NEGR1: variants seen among roughly 807,000 people sequenced by gnomAD.
NEGR1 encodes neuronal growth regulator 1, also known as IgLON family member 4.
NEGR1 carries 10 observed loss-of-function variants against 40.9 expected under a neutral mutation model. That is an observed-to-expected ratio of 0.24 (90% CI 0.15 to 0.42). The LOEUF (loss-of-function observed/expected upper bound fraction) is 0.42, where lower values mean the gene tolerates loss of function less well. Among genes scored for constraint, NEGR1 ranks in the 10% least tolerant of loss-of-function variants. The pLI is 1.00. For missense variants in NEGR1, 352 were observed against 438.9 expected, an observed-to-expected ratio of 0.80 and a Z score of 1.77; for synonymous variants, 185 against 166.8, an observed-to-expected ratio of 1.11 and a Z score of -0.84.
intron 1 of NEGR1, among the ~76,000 whole-genome samples, chr1:71,989,751 A>C (rs557462777): frequency 6.6e-6 from 1 of 152,334 alleles, no homozygotes; most frequent in African/African-American, 2.4e-5. Context: ...CTTCTTTTTT[A>C]AATAAAATAT....
At chr1:72,220,048 C>G (rs571591031) in intron 1 of NEGR1, among the ~76,000 whole-genome samples, 1 of 152,104 alleles carries the variant, frequency 6.6e-6, no homozygotes, top group South Asian at 2.1e-4. Flanking sequence ...ATCTTGGAAA[C>G]TATTTCCCAT....
At chr1:72,093,710 T>C (rs1648587044) in intron 1 of NEGR1, among the ~76,000 whole-genome samples, 1 of 152,216 alleles carries the variant, frequency 6.6e-6, no homozygotes, top group Non-Finnish European at 1.5e-5. Flanking sequence ...GCCTTACTTA[T>C]AAGCCAGCAT....
At chr1:71,816,843 T>A (rs1024087701) in intron 2 of NEGR1, among the ~76,000 whole-genome samples, 2 of 152,012 alleles carry the variant, frequency 1.3e-5, no homozygotes, top group African/African-American at 4.8e-5. Context: ...CCCTTCAAAC[T>A]GTGCTTGTAT....
At chr1:71,826,350 CA>C (rs1658624221) in intron 2 of NEGR1, among the ~76,000 whole-genome samples, 1 of 151,914 alleles carries the variant, frequency 6.6e-6, no homozygotes, top group Non-Finnish European at 1.5e-5. Flanking sequence ...TTTCTTACCA[CA>C]ATAACCATGA....
At chr1:72,048,502 T>C (rs1647023896) in intron 1 of NEGR1, among the ~76,000 whole-genome samples, 1 of 151,222 alleles carries the variant, frequency 6.6e-6, no homozygotes, top group Non-Finnish European at 1.5e-5. Context: ...TTTCATAAAT[T>C]CTTAATACAT....
chr1:71,554,328 T>A (rs1648181994), intron 6 of NEGR1, among the ~76,000 whole-genome samples: 1 of 151,582 alleles, frequency 6.6e-6, no homozygotes, highest in African/African-American at 2.4e-5. Context: ...TATTGCACAT[T>A]GGAGACATCT....
intron 1 of NEGR1, among the ~76,000 whole-genome samples, chr1:71,978,475 T>C (rs1373154629): frequency 6.6e-6 from 1 of 152,128 alleles, no homozygotes; most frequent in Non-Finnish European, 1.5e-5. Context: ...ATACAAATTA[T>C]GGCCCTGAAA....
intron 2 of NEGR1, among the ~76,000 whole-genome samples, chr1:71,915,113 GT>G (rs1332033647): frequency 6.6e-6 from 1 of 151,378 alleles, no homozygotes; most frequent in Non-Finnish European, 1.5e-5. Context: ...TTTTTTTAAT[GT>G]TTTGTCAGGC....
At chr1:72,232,040 G>T (rs1025224743) in intron 1 of NEGR1, among the ~76,000 whole-genome samples, 1 of 152,014 alleles carries the variant, frequency 6.6e-6, no homozygotes, top group Non-Finnish European at 1.5e-5. Context: ...ATTTCTTAGA[G>T]TAGCCTTGGA....
At chr1:72,158,777 T>C (rs376264593) in intron 1 of NEGR1, among the ~76,000 whole-genome samples, 2 of 152,312 alleles carry the variant, frequency 1.3e-5, no homozygotes, top group South Asian at 4.1e-4. Flanking sequence ...ATAAAACTTA[T>C]GATCTAAAGC....
intron 4 of NEGR1, among the ~76,000 whole-genome samples, chr1:71,688,891 G>A (rs564751833): frequency 6.6e-6 from 1 of 152,148 alleles, no homozygotes; most frequent in East Asian, 1.9e-4. Context: ...GTTTATAATT[G>A]TCTCCAGTTT....
At position 71,942,452 on chromosome 1, in the gene NEGR1, AATCTATAT is replaced by A. The variant is rs1269217459; in HGVS notation, c.177-7149_177-7142del. Among the ~76,000 whole-genome samples the A allele has an allele frequency of 4.0e-3, 137 of 34,250 alleles. 3 individuals are homozygous for A. The highest frequency in any genetic ancestry group is 0.013 in the African/African-American group (132 of 10,506). 22.5% of individuals were successfully genotyped at this position (34,250 alleles called of 152,430 possible). ...TTAATGCACAACTTAAAATTCTTTA[AATCTATAT>A]ATATATATATATATATATATATATT... On this transcript the variant is annotated intron_variant, in intron 1 of 6. Coordinates refer to ENST00000357731, the MANE Select transcript of NEGR1 (RefSeq NM_173808.3).
chr1:72,067,482 C>T (rs899302503), intron 1 of NEGR1, among the ~76,000 whole-genome samples: 2 of 152,068 alleles, frequency 1.3e-5, no homozygotes, highest in African/African-American at 4.8e-5. Context: ...TAGATATCTA[C>T]TCCAGTTTTA....
chr1:71,796,217 C>T (rs1657319119), intron 2 of NEGR1, among the ~76,000 whole-genome samples: 1 of 152,108 alleles, frequency 6.6e-6, no homozygotes, highest in African/African-American at 2.4e-5. Flanking sequence ...TGTGTACTTT[C>T]CACTCCCATC....
intron 1 of NEGR1, among the ~76,000 whole-genome samples, chr1:71,938,812 G>T (rs918719333): frequency 3.9e-5 from 6 of 152,108 alleles, no homozygotes; most frequent in African/African-American, 1.4e-4. Flanking sequence ...AGTGAAAAAT[G>T]TAGTAATTAA....
At chr1:71,917,779 T>TAAA (rs79120253) in intron 2 of NEGR1, among the ~76,000 whole-genome samples, 2 of 120,448 alleles carry the variant, frequency 1.7e-5, no homozygotes, top group Admixed American at 8.5e-5. Context: ...GACTCCGTCT[T>TAAA]AAAAAAAAAA....
At chr1:71,742,758 A>T (rs1235051389) in intron 3 of NEGR1, among the ~76,000 whole-genome samples, 1 of 152,128 alleles carries the variant, frequency 6.6e-6, no homozygotes, top group Non-Finnish European at 1.5e-5. Flanking sequence ...TGGACTTTAG[A>T]CTTTAGTGTT....
chr1:71,830,977 T>A (rs1470333712), intron 2 of NEGR1, among the ~76,000 whole-genome samples: 1 of 151,894 alleles, frequency 6.6e-6, no homozygotes, highest in Non-Finnish European at 1.5e-5. Flanking sequence ...GAGATAGGAA[T>A]TCTTGGAATA....
At chr1:71,666,441 A>G (rs1652244345) in intron 4 of NEGR1, among the ~76,000 whole-genome samples, 1 of 152,178 alleles carries the variant, frequency 6.6e-6, no homozygotes. Flanking sequence ...TAGGCACTCA[A>G]CCAGCATTAA....
Sources: allele counts gnomAD v4.1 joint callset (sites outside exome capture counted in the v4.1 genomes callset), GRCh38; gene constraint gnomAD v4.1.1; transcripts MANE v1.5; gene names NCBI Gene and HGNC (gene_info 2026-07-23, HGNC 2026-07-21).